The following NLGN4X variants were observed in gnomAD, a reference collection of about 807,000 sequenced individuals.
NLGN4X encodes neuroligin-4, X-linked.
A neutral mutation model predicts 40.3 loss-of-function variants in NLGN4X; 3 were observed. That is an observed-to-expected ratio of 0.07 (90% CI 0.03 to 0.19). The LOEUF is 0.19. NLGN4X is among the 10% of genes least tolerant of loss of function. The pLI, the probability that NLGN4X is intolerant of heterozygous loss-of-function variation, is 1.00. For synonymous variants in NLGN4X, 270 were observed against 306.8 expected (o/e 0.88, Z 1.25); for missense variants, 382 against 708.3 (o/e 0.54, Z 5.23).
intron 3 of NLGN4X, among the ~76,000 whole-genome samples, chrX:6,003,928 C>T (rs1176485499): frequency 1.8e-5 from 2 of 111,735 alleles, no homozygotes; most frequent in African/African-American, 6.5e-5. Flanking sequence ...AAATTGTTCG[C>T]CCTGGCTCCT....
At chrX:6,138,571 T>C (rs1335661774) in intron 2 of NLGN4X, among the ~76,000 whole-genome samples, 3 of 111,731 alleles carry the variant, frequency 2.7e-5, no homozygotes, top group East Asian at 2.8e-4. Flanking sequence ...TACTGAAGTA[T>C]ATGATTCATT....
At chrX:6,098,478 T>C (rs187372445) in intron 2 of NLGN4X, among the ~76,000 whole-genome samples, 1 of 111,115 alleles carries the variant, frequency 9.0e-6, no homozygotes, top group African/African-American at 3.3e-5. Context: ...GTCTCCAAGG[T>C]AAACCTTTGG....
intron 3 of NLGN4X, among the ~76,000 whole-genome samples, chrX:5,940,706 C>T (rs1175957866): frequency 9.1e-6 from 1 of 109,398 alleles, no homozygotes; most frequent in Non-Finnish European, 1.9e-5. Context: ...ATCATGGTAG[C>T]AGAGAAGCTG....
At position 5,890,338 on chromosome X, in the gene NLGN4X, T is replaced by C; in HGVS notation, c.*2479A>G. On this transcript the variant is annotated 3_prime_UTR_variant, in exon 6 of 6. Coordinates refer to ENST00000381095, the MANE Select transcript of NLGN4X (RefSeq NM_181332.3). ...ATGAAGATTCTATAACTTCTTTCCA[T>C]GTAGAAATAAGATATCATTTAAGAT... 5.0e-6 allele frequency: 1 copy of C among 198,566 alleles called. No individual in the cohort carries two copies. Among genetic ancestry groups the C allele is most frequent in the Non-Finnish European group, 9.2e-6 (1 of 108,725 alleles). 16.4% of individuals were successfully genotyped at this position (198,566 alleles called of 1,213,427 possible). A position where few individuals can be genotyped will look rare whatever the true frequency, so the allele number is the denominator to read the frequency against.
At chrX:6,116,653 C>G (rs765263044) in intron 2 of NLGN4X, among the ~76,000 whole-genome samples, 2 of 106,661 alleles carry the variant, frequency 1.9e-5, no homozygotes, top group East Asian at 6.0e-4. Context: ...CCTCAGCCTC[C>G]CGAGTAGCTG....
chrX:5,943,324 T>C (rs2034011351), intron 3 of NLGN4X, among the ~76,000 whole-genome samples: 1 of 111,569 alleles, frequency 9.0e-6, no homozygotes, highest in African/African-American at 3.3e-5. Context: ...TTCCTGGAAG[T>C]GGATGCATCC....
At chrX:6,108,117 G>T (rs1569241861) in intron 2 of NLGN4X, among the ~76,000 whole-genome samples, 1 of 111,793 alleles carries the variant, frequency 8.9e-6, no homozygotes, top group African/African-American at 3.3e-5. Flanking sequence ...ATCTGGGCTA[G>T]GAAAATACAC....
intron 3 of NLGN4X, among the ~76,000 whole-genome samples, chrX:5,961,751 C>T (rs1389393662): frequency 8.9e-6 from 1 of 111,981 alleles, no homozygotes. Context: ...GCCGTGGATA[C>T]TAAAAAATGT....
intron 3 of NLGN4X, among the ~76,000 whole-genome samples, chrX:5,946,601 C>G (rs1006065306): frequency 2.7e-5 from 3 of 111,345 alleles, no homozygotes; most frequent in Non-Finnish European, 5.6e-5. Context: ...TCTAAATAGT[C>G]ATAACTTGAA....
intron 2 of NLGN4X, among the ~76,000 whole-genome samples, chrX:6,127,241 C>T (rs922652882): frequency 3.6e-5 from 4 of 111,888 alleles, no homozygotes; most frequent in African/African-American, 1.3e-4. Context: ...CTATCCTGTC[C>T]CCATCTTAAT....
intron 2 of NLGN4X, among the ~76,000 whole-genome samples, chrX:6,039,863 T>C (rs1221870736): frequency 2.7e-5 from 3 of 112,341 alleles, no homozygotes; most frequent in Non-Finnish European, 5.6e-5. Context: ...TTTGAGCATG[T>C]AAAAGCAAAC....
intron 3 of NLGN4X, among the ~76,000 whole-genome samples, chrX:5,992,984 T>C (rs146224227): frequency 0.015 from 1,664 of 111,357 alleles, 31 homozygotes; most frequent in African/African-American, 0.052. Flanking sequence ...ATATCCAAAC[T>C]ATATCATACC....
intron 3 of NLGN4X, among the ~76,000 whole-genome samples, chrX:5,942,573 C>T (rs995704149): frequency 9.1e-6 from 1 of 109,710 alleles, no homozygotes; most frequent in Admixed American, 9.7e-5. Flanking sequence ...CTCAGCTACT[C>T]GGGAAGCTGA....
At chrX:6,123,754 A>T (rs2039478519) in intron 2 of NLGN4X, among the ~76,000 whole-genome samples, 1 of 110,302 alleles carries the variant, frequency 9.1e-6, no homozygotes, top group Admixed American at 9.8e-5. Flanking sequence ...CTATAAGGAA[A>T]AAAAAACAGA....
intron 2 of NLGN4X, among the ~76,000 whole-genome samples, chrX:6,048,834 G>C (rs754319656): frequency 9.6e-6 from 1 of 104,323 alleles, no homozygotes; most frequent in African/African-American, 3.5e-5. Flanking sequence ...ACACACACTA[G>C]GGTCTGTCAG....
At chrX:6,029,158 C>T (rs922043708) in intron 3 of NLGN4X, 122 bp downstream of exon 3, 8 of 801,440 alleles carry the variant, frequency 1.0e-5, no homozygotes, top group Non-Finnish European at 1.1e-5. Context: ...AAGTAAATAC[C>T]GTGAAGTGGA....
At chrX:5,925,875 T>TACAC (rs201741503) in intron 3 of NLGN4X, among the ~76,000 whole-genome samples, 2 of 14,661 alleles carry the variant, frequency 1.4e-4, no homozygotes, top group South Asian at 7.0e-3. Context: ...TATATATACA[T>TACAC]ACACACATAT....
intron 2 of NLGN4X, among the ~76,000 whole-genome samples, chrX:6,101,131 A>G (rs2038900054): frequency 8.9e-6 from 1 of 112,008 alleles, no homozygotes; most frequent in Non-Finnish European, 1.9e-5. Context: ...GGATGCCCCC[A>G]CGTGAGGCCT....
chrX:6,064,388 G>A (rs1192857088), intron 2 of NLGN4X, among the ~76,000 whole-genome samples: 3 of 111,673 alleles, frequency 2.7e-5, no homozygotes, highest in South Asian at 7.5e-4. Context: ...AAACTCTGCC[G>A]GTCCTCATAG....
Sources: allele counts gnomAD v4.1 joint callset (sites outside exome capture counted in the v4.1 genomes callset), GRCh38; gene constraint gnomAD v4.1.1; transcripts MANE v1.5; gene names NCBI Gene and HGNC (gene_info 2026-07-23, HGNC 2026-07-21).